The following LIX1 variants were observed in gnomAD, a reference collection of about 807,000 sequenced individuals.
The protein encoded by LIX1 is protein limb expression 1 homolog.
In LIX1, 24 loss-of-function variants were observed where a neutral mutation model predicts 33.4. The observed-to-expected ratio is 0.72, with a 90% CI of 0.52 to 1.01. The LOEUF (loss-of-function observed/expected upper bound fraction) is 1.01. Among genes scored for constraint, LIX1 ranks in the 50% least tolerant of loss-of-function variants. The pLI, the probability that LIX1 is intolerant of heterozygous loss-of-function variation, is 0.00. For missense variants in LIX1, 311 were observed against 339.2 expected (o/e 0.92, Z 0.65); for synonymous variants, 124 against 124.0 (o/e 1.00, Z 0.00).
intron 2 of LIX1, among the ~76,000 whole-genome samples, chr5:97,113,713 C>T (rs1179784218): frequency 6.6e-6 from 1 of 152,126 alleles, no homozygotes; most frequent in Non-Finnish European, 1.5e-5. Flanking sequence ...CAGAAATGGC[C>T]ACCCACTTTG....
intron 1 of LIX1, among the ~76,000 whole-genome samples, chr5:97,139,974 A>G (rs1748250357): frequency 6.6e-6 from 1 of 152,224 alleles, no homozygotes; most frequent in African/African-American, 2.4e-5. Flanking sequence ...CTTTAAATGA[A>G]TGTAACTATT....
At chr5:97,095,085 C>T in intron 5 of LIX1, 50 bp from the exon 6 acceptor site, 2 of 1,535,542 alleles carry the variant, frequency 1.3e-6, no homozygotes, top group African/African-American at 1.4e-5. Flanking sequence ...GCAACAAAGG[C>T]ACCCGTCCAC....
chr5:97,129,516 C>T (rs774545878), intron 1 of LIX1, among the ~76,000 whole-genome samples: 1 of 152,024 alleles, frequency 6.6e-6, no homozygotes, highest in African/African-American at 2.4e-5. Context: ...CCTTACAGCA[C>T]CCCCTTGAAA....
intron 4 of LIX1, chr5:97,103,187 G>GA (rs34170390): frequency 1.3e-3 from 501 of 385,146 alleles, no homozygotes; most frequent in East Asian, 2.2e-3. Flanking sequence ...AGATTGTTAT[G>GA]AAAAAAAAAG....
intron 2 of LIX1, among the ~76,000 whole-genome samples, chr5:97,119,311 T>G (rs1747720795): frequency 6.6e-6 from 1 of 152,218 alleles, no homozygotes; most frequent in Non-Finnish European, 1.5e-5. Context: ...TTTGATTATG[T>G]GAAAGGCATT....
chr5:97,107,280 T>A (rs1396961491), intron 3 of LIX1, 80 bp downstream of exon 3: 1 of 1,356,602 alleles, frequency 7.4e-7, no homozygotes, highest in African/African-American at 1.5e-5. Flanking sequence ...AAGAATTTGC[T>A]CATGTTAACA....
chr5:97,099,990 A>C (rs979969467), intron 4 of LIX1, among the ~76,000 whole-genome samples: 1 of 152,148 alleles, frequency 6.6e-6, no homozygotes, highest in Non-Finnish European at 1.5e-5. Flanking sequence ...CTTGTGGCCC[A>C]GTTTGAGAAA....
intron 2 of LIX1, among the ~76,000 whole-genome samples, chr5:97,115,088 A>C (rs1747601880): frequency 6.6e-6 from 1 of 152,238 alleles, no homozygotes; most frequent in Non-Finnish European, 1.5e-5. Flanking sequence ...TTCTCTGCTT[A>C]ACAGTTTTTA....
intron 1 of LIX1, among the ~76,000 whole-genome samples, chr5:97,125,823 G>C (rs1747903843): frequency 6.6e-6 from 1 of 152,216 alleles, no homozygotes; most frequent in Admixed American, 6.5e-5. Context: ...AAGCCATTTA[G>C]GGACAATGAA....
At chr5:97,116,698 T>G (rs1050602528) in intron 2 of LIX1, among the ~76,000 whole-genome samples, 4 of 152,156 alleles carry the variant, frequency 2.6e-5, no homozygotes, top group Non-Finnish European at 4.4e-5. Context: ...TCTTTTATTC[T>G]TTTTCTTTTT....
chr5:97,110,818 T>C (rs1055157142), intron 2 of LIX1, among the ~76,000 whole-genome samples: 2 of 152,158 alleles, frequency 1.3e-5, no homozygotes, highest in African/African-American at 4.8e-5. Flanking sequence ...GAAAGTAGTT[T>C]TTTTTTTCTT....
At position 97,110,642 on chromosome 5, in the gene LIX1, C is replaced by T. The variant is rs936701055; in HGVS notation, c.247-3142G>A. Among the ~76,000 whole-genome samples, 5 of 152,128 alleles carry T rather than the reference C, an allele frequency of 3.3e-5. No homozygotes were observed. In the South Asian group the frequency reaches 6.3e-4, roughly 19 times the overall value. On this transcript the variant is annotated intron_variant, in intron 2 of 5. Coordinates refer to ENST00000274382, the MANE Select transcript of LIX1 (RefSeq NM_153234.5). The stretch of plus-strand genomic sequence containing the variant: ...TATGTTTAGTAGAGATGGGGTTTCT[C>T]CATGTTGGTCAGGCTGGTCTCGAAC...
intron 2 of LIX1, among the ~76,000 whole-genome samples, chr5:97,119,548 A>G (rs1045354345): frequency 2.6e-5 from 4 of 152,172 alleles, no homozygotes; most frequent in East Asian, 3.8e-4. Context: ...CCAACCACCC[A>G]AACACATTTT....
chr5:97,141,636 G>A (rs1002942233), intron 1 of LIX1, among the ~76,000 whole-genome samples: 2 of 152,116 alleles, frequency 1.3e-5, no homozygotes, highest in African/African-American at 4.8e-5. Flanking sequence ...TCACAAAGAG[G>A]AAAGCTGCAA....
At chr5:97,114,250 G>C (rs1042797320) in intron 2 of LIX1, among the ~76,000 whole-genome samples, 1 of 152,128 alleles carries the variant, frequency 6.6e-6, no homozygotes, top group Non-Finnish European at 1.5e-5. Flanking sequence ...TGTAAACCCA[G>C]CACTTTGGGA....
intron 1 of LIX1, among the ~76,000 whole-genome samples, chr5:97,130,689 C>T (rs1371967225): frequency 3.9e-5 from 6 of 152,108 alleles, no homozygotes; most frequent in Admixed American, 1.3e-4. Context: ...AGGCAAGGGA[C>T]GTAAGAAGTA....
chr5:97,141,545 T>C (rs1748287694), intron 1 of LIX1, among the ~76,000 whole-genome samples: 1 of 152,184 alleles, frequency 6.6e-6, no homozygotes, highest in Non-Finnish European at 1.5e-5. Flanking sequence ...TAAGAGGACA[T>C]CTGGAATGGA....
chr5:97,105,808 C>G (rs1336100692), intron 3 of LIX1, among the ~76,000 whole-genome samples: 1 of 152,166 alleles, frequency 6.6e-6, no homozygotes, highest in Non-Finnish European at 1.5e-5. Context: ...CACTGAATCT[C>G]TAGGAAACGA....
At position 97,124,638 on chromosome 5, in the gene LIX1, G is replaced by C. The variant is rs201672664; in HGVS notation, c.83-9C>G. 209 of 1,603,314 alleles carry C rather than the reference G, an allele frequency of 1.3e-4. No homozygotes were observed. Among genetic ancestry groups the C allele is most frequent in the Non-Finnish European group, 7.9e-5 (93 of 1,173,936 alleles). On this transcript the variant is annotated splice_polypyrimidine_tract_variant and intron_variant, in intron 1 of 5. Transcript: ENST00000274382. ...CATTGACACAACGTTCACTGAAAAA[G>C]ACAAGAAACACCATCAGTTATTAAG...
Sources: allele counts gnomAD v4.1 joint callset (sites outside exome capture counted in the v4.1 genomes callset), GRCh38; gene constraint gnomAD v4.1.1; transcripts MANE v1.5; gene names NCBI Gene and HGNC (gene_info 2026-07-23, HGNC 2026-07-21).